Variants in COMMD1 observed in about 807,000 individuals in gnomAD.
COMMD1 encodes COMM domain-containing protein 1.
A neutral mutation model predicts 17.2 loss-of-function variants in COMMD1; 10 were observed. The observed-to-expected ratio is 0.58, with a 90% CI of 0.36 to 0.99. The LOEUF is 0.99. COMMD1 is among the 50% of genes least tolerant of loss of function. COMMD1 has a pLI of 0.01. For missense variants in COMMD1, 270 were observed against 231.8 expected, an observed-to-expected ratio of 1.17 and a Z score of -1.07; for synonymous variants, 97 against 91.6, an observed-to-expected ratio of 1.06 and a Z score of -0.34.
At chr2:62,116,306 G>A (rs1424943035) in intron 2 of COMMD1, among the ~76,000 whole-genome samples, 1 of 152,180 alleles carries the variant, frequency 6.6e-6, no homozygotes, top group African/African-American at 2.4e-5. Context: ...TGGTAAAAAA[G>A]TTGCCAAACC....
At chr2:61,891,535 C>T (rs1425212826) in intron 1 of COMMD1, among the ~76,000 whole-genome samples, 3 of 152,000 alleles carry the variant, frequency 2.0e-5, no homozygotes, top group Non-Finnish European at 2.9e-5. Flanking sequence ...CAAGACCAGC[C>T]TGGCCAAGAT....
intron 1 of COMMD1, among the ~76,000 whole-genome samples, chr2:61,981,647 C>T (rs1209475930): frequency 1.3e-5 from 2 of 152,140 alleles, no homozygotes; most frequent in African/African-American, 4.8e-5. Context: ...GCCTCACAGT[C>T]ATGGCGGAAG....
intron 2 of COMMD1, among the ~76,000 whole-genome samples, chr2:62,065,023 C>A (rs952624432): frequency 6.6e-6 from 1 of 152,016 alleles, no homozygotes; most frequent in Non-Finnish European, 1.5e-5. Context: ...CAAAAATTAG[C>A]TGGGCATGGC....
intron 2 of COMMD1, among the ~76,000 whole-genome samples, chr2:62,043,198 G>T (rs1670287761): frequency 1.3e-5 from 2 of 152,346 alleles, no homozygotes; most frequent in South Asian, 4.1e-4. Flanking sequence ...ACCTTGGCCA[G>T]GTGGAGATTA....
At chr2:62,104,590 C>T (rs1268499192) in intron 2 of COMMD1, among the ~76,000 whole-genome samples, 11 of 145,196 alleles carry the variant, frequency 7.6e-5, no homozygotes, top group Admixed American at 4.2e-4. Context: ...GTCGAGATCG[C>T]GCCACTGTAC....
chr2:61,972,603 G>C (rs6748605), intron 1 of COMMD1, among the ~76,000 whole-genome samples: 22,482 of 152,096 alleles, frequency 0.15, 2,138 homozygotes, highest in Non-Finnish European at 0.22. Flanking sequence ...CCTTGATATG[G>C]TGGGATGAGA....
intron 1 of COMMD1, among the ~76,000 whole-genome samples, chr2:61,911,935 G>GT (rs906898491): frequency 1.3e-5 from 2 of 152,126 alleles, no homozygotes; most frequent in Non-Finnish European, 2.9e-5. Context: ...CATGTGAAGT[G>GT]TTTTTCCTGT....
At chr2:61,968,851 C>A (rs940921337) in intron 1 of COMMD1, 1 of 201,296 alleles carries the variant, frequency 5.0e-6, no homozygotes, top group African/African-American at 2.3e-5. Flanking sequence ...AACCACCGTG[C>A]CTGGCCTCAG....
In COMMD1 at chr2:61,905,981, A is replaced by T; in HGVS notation, c.180+123A>T. ...AAAGGCTTTTCCCTCTCAGACCTCC[A>T]CTCCGTGGGCTCCACATCGGGCTCC... On this transcript the variant is annotated intron_variant, in intron 1 of 2. Transcript: ENST00000311832. 3 of 913,682 alleles carry T rather than the reference A, an allele frequency of 3.3e-6. No homozygotes were observed. The South Asian group carries it at 4.2e-5, about 13-fold the overall frequency. 56.6% of individuals were successfully genotyped at this position (913,682 alleles called of 1,614,324 possible).
At chr2:62,052,200 C>T (rs1670555355) in intron 2 of COMMD1, among the ~76,000 whole-genome samples, 1 of 152,122 alleles carries the variant, frequency 6.6e-6, no homozygotes, top group African/African-American at 2.4e-5. Context: ...CCTGTAATCC[C>T]AGCACTTTGG....
chr2:62,122,226 A>T (rs938937587), intron 2 of COMMD1, among the ~76,000 whole-genome samples: 2 of 152,206 alleles, frequency 1.3e-5, no homozygotes, highest in Non-Finnish European at 2.9e-5. Context: ...ATCCCTTTGT[A>T]AATGCTTAAG....
At position 62,036,902 on chromosome 2, in the gene COMMD1, G is replaced by C. The variant is rs540170996; in HGVS notation, c.462+35920G>C. Among the ~76,000 whole-genome samples, 10 of 152,172 alleles carry C rather than the reference G, an allele frequency of 6.6e-5. No individual in the cohort carries two copies. In the East Asian group the frequency reaches 1.2e-3, roughly 18 times the overall value. On this transcript the variant is annotated intron_variant, in intron 2 of 2. Coordinates refer to ENST00000311832, the MANE Select transcript of COMMD1 (RefSeq NM_152516.4). ...CTTTTTAAAATAATACTTTCTTCTT[G>C]TTGTTTTACGAGCCATTTGTAGATG...
At chr2:61,946,394 A>G (rs1359911354) in intron 1 of COMMD1, among the ~76,000 whole-genome samples, 1 of 152,202 alleles carries the variant, frequency 6.6e-6, no homozygotes, top group Non-Finnish European at 1.5e-5. Context: ...TGTTTGATTA[A>G]ATAGGGTCCC....
rs184024848 is a variant in COMMD1, at chr2:62,084,218, G to A, written c.463-51613G>A. ...GGTTAAGGGACACCAACTCCCCCACGCCCAGCATAGTCAAAAATCTACATA... is the reference window on the plus strand; with the variant it reads ...GGTTAAGGGACACCAACTCCCCCACACCCAGCATAGTCAAAAATCTACATA... On this transcript the variant is annotated intron_variant, in intron 2 of 2. Transcript: ENST00000311832. Among the ~76,000 whole-genome samples the A allele has an allele frequency of 3.1e-3, 471 of 152,098 alleles. 2 individuals are homozygous for A. The highest frequency in any genetic ancestry group is 5.1e-3 in the Non-Finnish European group (350 of 67,982).
rs1671750155 is a variant in COMMD1 at position 61,974,847 on chromosome 2, TG to T, written c.181-25853del. 3.3e-5 allele frequency among the ~76,000 whole-genome samples: 5 copies of T among 152,222 alleles called. No homozygotes were observed. In the South Asian group the frequency reaches 1.0e-3, roughly 32 times the overall value. Reference sequence around the variant, plus strand: ...ATTGATGTGGTAGATTAATTGCAATTGATGACCCAATATTGATGTTATTATT... The same window carrying T: ...ATTGATGTGGTAGATTAATTGCAATTATGACCCAATATTGATGTTATTATT... On this transcript the variant is annotated intron_variant, in intron 1 of 2. Transcript: ENST00000311832.
intron 1 of COMMD1, among the ~76,000 whole-genome samples, chr2:61,998,746 CT>C (rs1314254843): frequency 6.6e-6 from 1 of 152,144 alleles, no homozygotes; most frequent in Non-Finnish European, 1.5e-5. Flanking sequence ...ATATGTGTGA[CT>C]TTTTCACTTG....
intron 1 of COMMD1, among the ~76,000 whole-genome samples, chr2:61,965,615 A>G (rs935342325): frequency 1.3e-5 from 2 of 152,184 alleles, no homozygotes; most frequent in African/African-American, 2.4e-5. Context: ...GACCCAGAAA[A>G]ACCTTAAGCA....
chr2:61,929,556 C>G (rs892816378), intron 1 of COMMD1, among the ~76,000 whole-genome samples: 2 of 152,326 alleles, frequency 1.3e-5, no homozygotes, highest in East Asian at 3.9e-4. Flanking sequence ...CTCTCTCCAT[C>G]AAACCTAGCA....
rs141845710 is a variant in COMMD1, at chr2:61,984,774, T to C, written c.181-15927T>C. 7.0e-3 allele frequency among the ~76,000 whole-genome samples: 1,072 copies of C among 152,336 alleles called. 14 individuals are homozygous for C. Among genetic ancestry groups the C allele is most frequent in the African/African-American group, 0.024 (1,011 of 41,580 alleles). On this transcript the variant is annotated intron_variant, in intron 1 of 2. Coordinates refer to ENST00000311832, the MANE Select transcript of COMMD1 (RefSeq NM_152516.4). Reference sequence around the variant, plus strand: ...GGGATGTTGAAGTCTCCAGCTATTATTGTATTGGGGTCTGTCTCTTTAGCT... The same window carrying C: ...GGGATGTTGAAGTCTCCAGCTATTACTGTATTGGGGTCTGTCTCTTTAGCT...
Sources: allele counts gnomAD v4.1 joint callset (sites outside exome capture counted in the v4.1 genomes callset), GRCh38; gene constraint gnomAD v4.1.1; transcripts MANE v1.5; gene names NCBI Gene and HGNC (gene_info 2026-07-23, HGNC 2026-07-21).